Variants in MNX1 observed in about 807,000 individuals in gnomAD.
The protein encoded by MNX1 is motor neuron and pancreas homeobox 1.
MNX1 carries 2 observed loss-of-function variants against 17.3 expected under a neutral mutation model. The ratio of observed to expected loss-of-function variants is 0.12; its 90% CI spans 0.05 to 0.36. The LOEUF (loss-of-function observed/expected upper bound fraction) is 0.36. Ranked by LOEUF, MNX1 falls within the 10% of genes least tolerant of loss-of-function variation. The pLI, the probability that MNX1 is intolerant of heterozygous loss-of-function variation, is 1.00. For missense variants in MNX1, 556 were observed against 564.7 expected (o/e 0.98, Z 0.16); for synonymous variants, 306 against 283.1 (o/e 1.08, Z -0.81).
chr7:157,009,421 CT>C, intron 1 of MNX1: 4 of 1,427,272 alleles, frequency 2.8e-6, no homozygotes, highest in Non-Finnish European at 3.7e-6. Flanking sequence ...CCAACTGCCC[CT>C]TCCCGTTAAG....
At chr7:157,009,348 T>TC in intron 1 of MNX1, 1 of 1,411,962 alleles carries the variant, frequency 7.1e-7, no homozygotes, top group Non-Finnish European at 9.2e-7. Context: ...CGGCTCGCCT[T>TC]CCCCCGGCGA....
At chr7:157,008,809 A>C in intron 1 of MNX1, 1 of 616,070 alleles carries the variant, frequency 1.6e-6, no homozygotes, top group South Asian at 2.0e-5. Context: ...GGGGAGAGCC[A>C]GAGCCCCAGA....
intron 1 of MNX1, chr7:157,008,760 C>A: frequency 3.4e-6 from 2 of 579,846 alleles, no homozygotes; most frequent in Non-Finnish European, 3.1e-6. Context: ...TACATCTGCT[C>A]GGCCCGACTC....
chr7:157,010,069 C>T lies in MNX1; in HGVS notation c.282G>A (p.Pro94=), dbSNP rs1302962510. ...CGCCGCCGCCCGCGCCCAGGAAGCC[C>T]GGCTTGGGCAGCAGCGCGCAGTGCG... The part of the protein sequence containing the change: ...LAAHCALLPK[P]GFLGAGGGGG... Residue 94 remains proline (P), a synonymous_variant, in exon 1 of 3, where the codon CCG becomes CCA. Coordinates refer to ENST00000252971, the MANE Select transcript of MNX1 (RefSeq NM_005515.4). 6.0e-6 allele frequency: 6 copies of T among 996,002 alleles called. No individual in the cohort carries two copies. Among genetic ancestry groups the T allele is most frequent in the Admixed American group, 6.0e-5 (1 of 16,740 alleles). The allele number at this position is 996,002 out of a possible 1,614,324, so 61.7% of individuals were successfully genotyped here. A position where few individuals can be genotyped will look rare whatever the true frequency, so the allele number is the denominator to read the frequency against.
At position 157,009,883 on chromosome 7, in the gene MNX1, C is replaced by T. The variant is rs934897379; in HGVS notation, c.468G>A (p.Ala156=). 9 of 1,430,828 alleles carry T rather than the reference C, an allele frequency of 6.3e-6. No homozygotes were observed. The highest frequency in any genetic ancestry group is 8.2e-6 in the Non-Finnish European group (9 of 1,097,676). 88.6% of individuals were successfully genotyped at this position (1,430,828 alleles called of 1,614,324 possible). A position where few individuals can be genotyped will look rare whatever the true frequency, so the allele number is the denominator to read the frequency against. ...CGTAGACCGGGTGGCCGTAGAGCGC[C>T]GCCTGCGCCGGGAGGCCCGCGCCGC... is the stretch of plus-strand genomic sequence containing the variant. ...AQGGAGLPAQ[A]ALYGHPVYGY... is the part of the protein sequence containing the mutation. The change falls in exon 1 of 3, where the codon GCG becomes GCA. Residue 156 remains alanine (A), a synonymous_variant. Coordinates refer to ENST00000252971, the MANE Select transcript of MNX1 (RefSeq NM_005515.4).
chr7:157,009,083 CCATCGCA>C (rs1805657384), intron 1 of MNX1: 1 of 1,536,442 alleles, frequency 6.5e-7, no homozygotes, highest in Non-Finnish European at 8.7e-7. Flanking sequence ...CCTGCCTCGG[CCATCGCA>C]CCCCGGATCC....
chr7:157,005,582 CGGAG>C lies in MNX1; in HGVS notation c.1140_1143del (p.Ser381ThrfsTer111). On this transcript the variant is annotated frameshift_variant, in exon 3 of 3. Transcript: ENST00000252971. LOFTEE classifies it low-confidence loss of function (END_TRUNC). ...GGCGAGTCGTCCTCCGAGGAGCAGT[CGGAG>C]GAGGCGGCGTGGACGCTGGCGCCGT... 6.3e-7 allele frequency: 1 copy of C among 1,594,346 alleles called. No homozygotes were observed.
Position 157,006,184 on chromosome 7 carries a change from C to T in MNX1, c.852+295G>A, listed in dbSNP as rs1395069808. The T allele has an allele frequency of 3.4e-6, 2 of 583,048 alleles. No individual in the cohort carries two copies. The highest frequency in any genetic ancestry group is 6.1e-6 in the Non-Finnish European group (2 of 329,634). 36.1% of individuals were successfully genotyped at this position (583,048 alleles called of 1,614,324 possible). A position where few individuals can be genotyped will look rare whatever the true frequency, so the allele number is the denominator to read the frequency against. ...GAGGAAGGGTCAGGGCAGCTGGCTA[C>T]GTCGCGGTAAATCTCAGGATGTTCC... On this transcript the variant is annotated intron_variant, in intron 2 of 2. Coordinates refer to ENST00000252971, the MANE Select transcript of MNX1 (RefSeq NM_005515.4). The surrounding 1 kb of genome is among the most constrained non-coding windows in gnomAD (Gnocchi z 6.3).
Position 157,010,470 on chromosome 7 carries a change from G to C in MNX1, c.-120C>G. 1 of 629,942 alleles carries C rather than the reference G, an allele frequency of 1.6e-6. No homozygotes were observed. The highest frequency in any genetic ancestry group is 4.1e-5 in the South Asian group (1 of 24,106). The allele number at this position is 629,942 out of a possible 1,614,324, so 39.0% of individuals were successfully genotyped here. A position where few individuals can be genotyped will look rare whatever the true frequency, so the allele number is the denominator to read the frequency against. ...CTCGGTATTGTTATGGTGGTTATTT[G>C]CCAATAATCAAAGTCGCCGCCGGAA... is the stretch of plus-strand genomic sequence containing the variant. On this transcript the variant is annotated 5_prime_UTR_variant, in exon 1 of 3. Transcript: ENST00000252971.
intron 1 of MNX1, chr7:157,008,846 G>A (rs1156296766): frequency 1.2e-5 from 9 of 745,554 alleles, no homozygotes; most frequent in Admixed American, 5.4e-5. Context: ...GCCCCAGCCC[G>A]GAGAGTCCGC....
In MNX1 at chr7:157,006,346, G is replaced by A. The variant is rs1339974965; in HGVS notation, c.852+133C>T. On this transcript the variant is annotated intron_variant, in intron 2 of 2. Coordinates refer to ENST00000252971, the MANE Select transcript of MNX1 (RefSeq NM_005515.4). This position sits in a 1 kb window ranked among gnomAD's most constrained non-coding sequence, Gnocchi z 6.3. ...AATCGGCGCTCTGGGCACCTTAGAT[G>A]AACCCGTGCGCCCGCCGTCTGAACC... is the stretch of plus-strand genomic sequence containing the variant. 4 of 1,037,360 alleles carry A rather than the reference G, an allele frequency of 3.9e-6. No individual in the cohort carries two copies. Among genetic ancestry groups the A allele is most frequent in the Admixed American group, 5.2e-5 (2 of 38,534 alleles). 64.3% of individuals were successfully genotyped at this position (1,037,360 alleles called of 1,614,324 possible). A position where few individuals can be genotyped will look rare whatever the true frequency, so the allele number is the denominator to read the frequency against.
At chr7:157,009,494 C>T (rs1805666898) in intron 1 of MNX1, 166 bp downstream of exon 1, 1 of 1,441,026 alleles carries the variant, frequency 6.9e-7, no homozygotes, top group Non-Finnish European at 9.1e-7. Context: ...CGTCTCATGC[C>T]TGGGGGTCCG....
chr7:157,008,176 G>A (rs574345429), intron 1 of MNX1: 77 of 152,356 alleles, frequency 5.1e-4, no homozygotes, highest in African/African-American at 1.6e-3. Context: ...TGGGCTCCAC[G>A]AAGCTCCAGA....
chr7:157,005,676 G>A lies in MNX1; in HGVS notation c.1050C>T (p.Asp350=), dbSNP rs1370330262. 7 of 1,610,590 alleles carry A rather than the reference G, an allele frequency of 4.3e-6. No homozygotes were observed. The highest frequency in any genetic ancestry group is 5.9e-6 in the Non-Finnish European group (7 of 1,179,272). Residue 350 remains aspartate (D), a synonymous_variant, in exon 3 of 3, where the codon GAC becomes GAT. Transcript: ENST00000252971. ...GDKGSGRRLR[D]LRDSDPEEDE... ...CCTCCTCGGGGTCACTGTCCCTCAAGTCCCGCAGGCGGCGTCCGCTGCCCT... is the reference window on the plus strand; with the variant it reads ...CCTCCTCGGGGTCACTGTCCCTCAAATCCCGCAGGCGGCGTCCGCTGCCCT...
intron 2 of MNX1, 95 bp from the exon 3 acceptor site, chr7:157,005,968 G>C (rs1805590164): frequency 6.9e-7 from 1 of 1,442,274 alleles, no homozygotes; most frequent in Admixed American, 1.7e-5. Flanking sequence ...GGCCCCATTG[G>C]GTCGGCCCTG....
rs1241683440 is a variant in MNX1, at chr7:157,009,915, C to G, written c.436G>C (p.Ala146Pro). 3.9e-6 allele frequency: 5 copies of G among 1,293,904 alleles called. No individual in the cohort carries two copies. Among genetic ancestry groups the G allele is most frequent in the Non-Finnish European group, 4.9e-6 (5 of 1,021,638 alleles). The allele number at this position is 1,293,904 out of a possible 1,614,324, so 80.2% of individuals were successfully genotyped here. The change falls in exon 1 of 3, where the codon GCG becomes CCG. Residue 146 changes from alanine to proline, a missense_variant. Ala to Pro is a conservative substitution (Grantham distance 27). Coordinates refer to ENST00000252971, the MANE Select transcript of MNX1 (RefSeq NM_005515.4). ...GLALGLHPGG[A>P]QGGAGLPAQA... Reference sequence around the variant, plus strand: ...GCCGGGAGGCCCGCGCCGCCCTGCGCGCCCCCAGGGTGCAGCCCCAGCGCC... The same window carrying G: ...GCCGGGAGGCCCGCGCCGCCCTGCGGGCCCCCAGGGTGCAGCCCCAGCGCC...
chr7:157,010,535 T>G lies in MNX1; in HGVS notation c.-185A>C, dbSNP rs1212412913. ...GACCATGGTCCCGGCGCCTCCTCCG[T>G]GCGGGCCCCGCCCCGGGCCGCGCTC... On this transcript the variant is annotated 5_prime_UTR_variant, in exon 1 of 3. Coordinates refer to ENST00000252971, the MANE Select transcript of MNX1 (RefSeq NM_005515.4). 2 of 404,474 alleles carry G rather than the reference T, an allele frequency of 4.9e-6. No homozygotes were observed. The highest frequency in any genetic ancestry group is 7.8e-5 in the East Asian group (2 of 25,770). The allele number at this position is 404,474 out of a possible 1,614,324, so 25.1% of individuals were successfully genotyped here.
In MNX1 at chr7:157,005,827, T is replaced by C. The variant is rs1277682756; in HGVS notation, c.899A>G (p.Lys300Arg). The change falls in exon 3 of 3, where the codon AAA (lysine) becomes AGA (arginine). Residue 300 changes from lysine to arginine, a missense_variant. By Grantham distance (26) the Lys-to-Arg change is conservative. This residue lies in a region of MNX1 where 178 missense variants were observed against 155.2 expected (regional missense o/e 1.15). Coordinates refer to ENST00000252971, the MANE Select transcript of MNX1 (RefSeq NM_005515.4). ...CTGCGCCGCCTGCTCTTTGGCCTTT[T>C]TGCTGCGTTTCCATTTCATCCGCCG... is the stretch of plus-strand genomic sequence containing the variant. ...QNRRMKWKRS[K>R]KAKEQAAQEA... 6.2e-7 allele frequency: 1 copy of C among 1,612,420 alleles called. No homozygotes were observed. Among genetic ancestry groups the C allele is most frequent in the Non-Finnish European group, 8.5e-7 (1 of 1,179,804 alleles).
At chr7:157,009,214 ACTC>A in intron 1 of MNX1, 1 of 1,441,818 alleles carries the variant, frequency 6.9e-7, no homozygotes, top group African/African-American at 1.4e-5. Flanking sequence ...CTCCTGAAGC[ACTC>A]CCTCTCCCTG....
Sources: allele counts gnomAD v4.1 joint callset, GRCh38; gene constraint gnomAD v4.1.1; regional missense constraint gnomAD v4.1.1; non-coding constraint Gnocchi (gnomAD v3.1); transcripts MANE v1.5; gene names NCBI Gene and HGNC (gene_info 2026-07-23, HGNC 2026-07-21).